Variants in LIX1L observed in about 807,000 individuals in gnomAD.
LIX1L encodes limb and CNS expressed 1 like.
LIX1L carries 20 observed loss-of-function variants against 34.0 expected under a neutral mutation model. That is an observed-to-expected ratio of 0.59 (90% CI 0.41 to 0.85). The LOEUF (loss-of-function observed/expected upper bound fraction) is 0.85. Ranked by LOEUF, LIX1L falls within the 40% of genes least tolerant of loss-of-function variation. The pLI, the probability that LIX1L is intolerant of heterozygous loss-of-function variation, is 0.00. For missense variants in LIX1L, 397 were observed against 447.0 expected (o/e 0.89, Z 1.01); for synonymous variants, 170 against 187.4 (o/e 0.91, Z 0.76).
chr1:145,951,142 G>A (rs1649285430), intron 1 of LIX1L, among the ~76,000 whole-genome samples: 3 of 152,144 alleles, frequency 2.0e-5, no homozygotes, highest in Admixed American at 2.0e-4. Flanking sequence ...TACCTCCCAG[G>A]TTCAAGCAAT....
chr1:145,945,932 CAAAAAA>C (rs782015208), intron 2 of LIX1L, among the ~76,000 whole-genome samples: 22 of 71,914 alleles, frequency 3.1e-4, no homozygotes, highest in Non-Finnish European at 4.3e-4. Flanking sequence ...CTAAAAATAC[CAAAAAA>C]AAAAAAAAAA....
intron 1 of LIX1L, among the ~76,000 whole-genome samples, chr1:145,949,332 G>A (rs782446346): frequency 1.3e-5 from 2 of 152,220 alleles, no homozygotes; most frequent in South Asian, 4.1e-4. Flanking sequence ...AAGCTACCCT[G>A]AGGAGGCAAT....
chr1:145,951,226 T>C (rs1231033693), intron 1 of LIX1L, among the ~76,000 whole-genome samples: 1 of 152,176 alleles, frequency 6.6e-6, no homozygotes, highest in Non-Finnish European at 1.5e-5. Context: ...TTTGTATTTT[T>C]AGTAGAGACA....
intron 2 of LIX1L, among the ~76,000 whole-genome samples, chr1:145,945,748 CAAAA>C (rs1289472683): frequency 6.4e-5 from 5 of 78,354 alleles, no homozygotes; most frequent in Non-Finnish European, 5.3e-5. Flanking sequence ...GACTCTATCT[CAAAA>C]AAAAAAAAAA....
chr1:145,949,622 GA>G (rs1649220734), intron 1 of LIX1L, among the ~76,000 whole-genome samples: 1 of 151,766 alleles, frequency 6.6e-6, no homozygotes, highest in African/African-American at 2.4e-5. Flanking sequence ...ACTTTAAAAA[GA>G]AGGGAGTCTT....
intron 4 of LIX1L, 43 bp from the exon 5 acceptor site, chr1:145,937,028 A>C: frequency 7.3e-7 from 1 of 1,376,494 alleles, no homozygotes; most frequent in Non-Finnish European, 1.0e-6. Flanking sequence ...TGATTTTTAT[A>C]TTGGGAGGTT....
Position 145,957,710 on chromosome 1 carries a change from C to A in LIX1L, c.218G>T (p.Ser73Ile). Residue 73 changes from serine to isoleucine, a missense_variant, in exon 1 of 6, where the codon AGC becomes ATC. Ser to Ile is a moderately radical substitution (Grantham distance 142, BLOSUM62 -2). This residue lies in a region of LIX1L where 207 missense variants were observed against 205.2 expected (regional missense o/e 1.01). Coordinates refer to ENST00000604000, the MANE Select transcript of LIX1L (RefSeq NM_153713.3). ...GLPLPPGAAG[S>I]PAVLREAVEA... ...CACGGCCTCTCGCAGCACTGCCGGG[C>A]TGCCGGCGGCGCCGGGGGGCAGGGG... 1.3e-6 allele frequency: 2 copies of A among 1,497,486 alleles called. No individual in the cohort carries two copies. The allele number at this position is 1,497,486 out of a possible 1,614,324, so 92.8% of individuals were successfully genotyped here.
Position 145,947,669 on chromosome 1 carries a change from A to G in LIX1L, c.406T>C (p.Tyr136His), listed in dbSNP as rs1553759399. Residue 136 changes from tyrosine to histidine, a missense_variant, in exon 2 of 6, where the codon TAT (tyrosine) becomes CAT (histidine). Tyr to His is a moderately conservative substitution (Grantham distance 83). This residue lies in a region of LIX1L where 207 missense variants were observed against 205.2 expected (regional missense o/e 1.01). Coordinates refer to ENST00000604000, the MANE Select transcript of LIX1L (RefSeq NM_153713.3). ...CCAGGCAGGGTGACATAGCAGACATAAGGAGGGCTGTTGGAGGGAACCATC... is the reference window on the plus strand; with the variant it reads ...CCAGGCAGGGTGACATAGCAGACATGAGGAGGGCTGTTGGAGGGAACCATC... ...YEMVPSNSPP[Y>H]VCYVTLPGGS... 6.2e-7 allele frequency: 1 copy of G among 1,614,116 alleles called. No individual in the cohort carries two copies. The highest frequency in any genetic ancestry group is 2.2e-5 in the East Asian group (1 of 44,876).
At chr1:145,946,735 T>G (rs782615610) in intron 2 of LIX1L, among the ~76,000 whole-genome samples, 6 of 152,132 alleles carry the variant, frequency 3.9e-5, no homozygotes, top group Admixed American at 6.5e-5. Context: ...GACAAACAAT[T>G]ATGATATGTT....
intron 1 of LIX1L, among the ~76,000 whole-genome samples, chr1:145,955,067 G>A (rs1257804687): frequency 6.6e-6 from 1 of 152,144 alleles, no homozygotes; most frequent in Non-Finnish European, 1.5e-5. Context: ...TATCTGCCTT[G>A]TCCACCACTG....
chr1:145,945,279 CGACAGAGCAA>C (rs1243413426), intron 2 of LIX1L, among the ~76,000 whole-genome samples: 1 of 131,092 alleles, frequency 7.6e-6, no homozygotes, highest in Non-Finnish European at 1.5e-5. Context: ...CCAGCCTGGG[CGACAGAGCAA>C]GACTCTGTCT....
Position 145,947,718 on chromosome 1 carries a change from C to CT in LIX1L, c.356dup (p.Asn120GlufsTer8). 1 of 1,614,176 alleles carries CT rather than the reference C, an allele frequency of 6.2e-7. No individual in the cohort carries two copies. ...TCTCATAAACCACTAGAGCCCCATTCTTTAAGTCAGCACCACGGGACTGCT... is the reference window on the plus strand; with the variant it reads ...TCTCATAAACCACTAGAGCCCCATTCTTTTAAGTCAGCACCACGGGACTGCT... On this transcript the variant is annotated frameshift_variant, in exon 2 of 6. Coordinates refer to ENST00000604000, the MANE Select transcript of LIX1L (RefSeq NM_153713.3). LOFTEE classifies it high-confidence loss of function.
Position 145,942,900 on chromosome 1 carries a change from G to A in LIX1L, c.457-47C>T, listed in dbSNP as rs376309963. 3.8e-6 allele frequency: 6 copies of A among 1,587,744 alleles called. No individual in the cohort carries two copies. In the African/African-American group the frequency reaches 8.1e-5, roughly 21 times the overall value. The stretch of plus-strand genomic sequence containing the variant: ...AGAATATGTGTATTTGTGCATATGA[G>A]AGAGAGGAAGGAACAGTGGGAGGGA... On this transcript the variant is annotated intron_variant, in intron 2 of 5. Transcript: ENST00000604000.
intron 1 of LIX1L, among the ~76,000 whole-genome samples, chr1:145,951,098 G>C (rs1374186584): frequency 6.6e-6 from 1 of 152,174 alleles, no homozygotes; most frequent in Non-Finnish European, 1.5e-5. Context: ...CCAGGCTGGA[G>C]TGCAGTGGCG....
intron 1 of LIX1L, among the ~76,000 whole-genome samples, chr1:145,955,597 G>A (rs1462533228): frequency 6.6e-6 from 1 of 152,198 alleles, no homozygotes; most frequent in Non-Finnish European, 1.5e-5. Flanking sequence ...CTTTGCCTAA[G>A]AATTGAAGCA....
Position 145,936,481 on chromosome 1 carries a change from C to T in LIX1L, c.843G>A (p.Val281=). The change falls in exon 6 of 6, where the codon GTG becomes GTA. Residue 281 remains valine, a synonymous_variant. Transcript: ENST00000604000. ...DIRHQMALDW[V]SREQSVPGAL... ...CCCCCGGCACACTCTGCTCCCGGCT[C>T]ACCCAGTCCAAGGCCATTTGGTGGC... 6.2e-7 allele frequency: 1 copy of T among 1,614,198 alleles called. No homozygotes were observed. The highest frequency in any genetic ancestry group is 8.5e-7 in the Non-Finnish European group (1 of 1,180,032).
rs587639643 is a variant in LIX1L at position 145,946,118 on chromosome 1, C to A, written c.456+1501G>T. Among the ~76,000 whole-genome samples, 810 of 146,186 alleles carry A rather than the reference C, an allele frequency of 5.5e-3. 15 individuals are homozygous for A. Among genetic ancestry groups the A allele is most frequent in the African/African-American group, 0.019 (761 of 39,592 alleles). ...GACTCCATCTCAAAAAACAAAAAAACAAAAAAACAAAAAAAAACAAGTGAA... is the reference window on the plus strand; with the variant it reads ...GACTCCATCTCAAAAAACAAAAAAAAAAAAAAACAAAAAAAAACAAGTGAA... On this transcript the variant is annotated intron_variant, in intron 2 of 5. Transcript: ENST00000604000.
At chr1:145,940,501 A>G (rs891124734) in intron 3 of LIX1L, among the ~76,000 whole-genome samples, 16 of 149,638 alleles carry the variant, frequency 1.1e-4, no homozygotes, top group Admixed American at 8.0e-4. Flanking sequence ...CATGTGCCAC[A>G]ATGCCCAGCT....
chr1:145,936,533 G>T lies in LIX1L; in HGVS notation c.791C>A (p.Ser264Ter), dbSNP rs587659330. 6.2e-7 allele frequency: 1 copy of T among 1,614,066 alleles called. No homozygotes were observed. The highest frequency in any genetic ancestry group is 1.3e-5 in the African/African-American group (1 of 74,998). ...CSRQEVLAHY[S>*]HRALDDDIRH... ...AATATCATCATCCAGGGCCCGGTGC[G>T]AATAATGAGCCAACACCTCCTAGTA... Residue 264 changes from serine (S) to a stop codon, truncating the protein, a stop_gained, in exon 6 of 6, where the codon TCG (serine) becomes TAG (stop). Transcript: ENST00000604000. LOFTEE classifies it high-confidence loss of function.
Sources: allele counts gnomAD v4.1 joint callset (sites outside exome capture counted in the v4.1 genomes callset), GRCh38; gene constraint gnomAD v4.1.1; regional missense constraint gnomAD v4.1.1; transcripts MANE v1.5; gene names NCBI Gene and HGNC (gene_info 2026-07-23, HGNC 2026-07-21).